Variants in DNAJC1 observed in about 807,000 individuals in gnomAD.
DNAJC1 encodes DnaJ heat shock protein family (Hsp40) member C1, also known as dnaJ homolog subfamily C member 1.
DNAJC1 carries 58 observed loss-of-function variants against 76.6 expected under a neutral mutation model. The observed-to-expected ratio is 0.76, with a 90% CI of 0.61 to 0.94. DNAJC1 has a LOEUF of 0.94. Ranked by LOEUF, DNAJC1 falls within the 40% of genes least tolerant of loss-of-function variation. The probability of loss-of-function intolerance (pLI) is 0.00; values close to 1 mark genes in which losing one functional copy is unlikely to be tolerated. For synonymous variants in DNAJC1, 258 were observed against 267.9 expected, an observed-to-expected ratio of 0.96 and a Z score of 0.36; for missense variants, 689 against 677.3, an observed-to-expected ratio of 1.02 and a Z score of -0.19.
chr10:21,985,374 C>G (rs775604442), intron 1 of DNAJC1, among the ~76,000 whole-genome samples: 5 of 151,956 alleles, frequency 3.3e-5, no homozygotes, highest in Admixed American at 2.0e-4. Flanking sequence ...CTCAGCCTCC[C>G]GAGTAACTGG....
At chr10:21,945,052 A>G (rs145129371) in intron 1 of DNAJC1, among the ~76,000 whole-genome samples, 4 of 152,392 alleles carry the variant, frequency 2.6e-5, no homozygotes, top group East Asian at 1.9e-4. Context: ...TGTATTAGAC[A>G]TATATAAATG....
intron 8 of DNAJC1, among the ~76,000 whole-genome samples, chr10:21,859,971 A>AT (rs1289500718): frequency 6.6e-6 from 1 of 151,894 alleles, no homozygotes; most frequent in Non-Finnish European, 1.5e-5. Context: ...TTTAGTAGAG[A>AT]TGGGGTTTCG....
intron 1 of DNAJC1, among the ~76,000 whole-genome samples, chr10:21,980,606 A>G (rs1838139987): frequency 6.6e-6 from 1 of 152,152 alleles, no homozygotes; most frequent in Admixed American, 6.5e-5. Context: ...AAAGGATGTT[A>G]ATGGGACAGC....
At chr10:21,807,713 A>G (rs945225505) in intron 8 of DNAJC1, among the ~76,000 whole-genome samples, 4 of 152,206 alleles carry the variant, frequency 2.6e-5, no homozygotes, top group Admixed American at 6.6e-5. Flanking sequence ...CTAAGAGCTG[A>G]AAGCCTCAAA....
chr10:21,878,762 C>A (rs1836225466), intron 8 of DNAJC1, among the ~76,000 whole-genome samples: 1 of 152,064 alleles, frequency 6.6e-6, no homozygotes, highest in African/African-American at 2.4e-5. Flanking sequence ...CAAGGATCAA[C>A]TGTATTTACT....
At chr10:21,946,881 G>A (rs1377786253) in intron 1 of DNAJC1, among the ~76,000 whole-genome samples, 1 of 152,096 alleles carries the variant, frequency 6.6e-6, no homozygotes, top group Non-Finnish European at 1.5e-5. Flanking sequence ...GTTGGGAGGA[G>A]GAACCTAATG....
chr10:21,855,213 AT>A (rs1185737684), intron 8 of DNAJC1, among the ~76,000 whole-genome samples: 4 of 152,146 alleles, frequency 2.6e-5, no homozygotes, highest in Admixed American at 6.6e-5. Context: ...TAAACAGCCC[AT>A]TTTTTTGAGC....
chr10:21,846,249 A>C (rs958895102), intron 8 of DNAJC1, among the ~76,000 whole-genome samples: 2 of 152,214 alleles, frequency 1.3e-5, no homozygotes, highest in African/African-American at 4.8e-5. Context: ...ATAAATAATA[A>C]ACAAACATTA....
chr10:21,929,175 C>A (rs1837179453), intron 1 of DNAJC1, 34 bp from the exon 2 acceptor site: 7 of 1,443,864 alleles, frequency 4.8e-6, no homozygotes, highest in Non-Finnish European at 6.7e-6. Flanking sequence ...AAATACAAAG[C>A]AAACTTTGTC....
chr10:21,896,699 A>G (rs535625690), intron 7 of DNAJC1, among the ~76,000 whole-genome samples: 1 of 152,202 alleles, frequency 6.6e-6, no homozygotes, highest in African/African-American at 2.4e-5. Context: ...TATTTAATTA[A>G]TATGTTTTGT....
At chr10:21,813,220 C>CTCTCTCTCTATA (rs1438462566) in intron 8 of DNAJC1, among the ~76,000 whole-genome samples, 1 of 19,088 alleles carries the variant, frequency 5.2e-5, no homozygotes, top group Non-Finnish European at 8.7e-5. Flanking sequence ...CTCTCTCTCT[C>CTCTCTCTCTATA]TATATATATA....
intron 1 of DNAJC1, among the ~76,000 whole-genome samples, chr10:21,960,565 T>C (rs917503581): frequency 6.6e-6 from 1 of 151,958 alleles, no homozygotes. Context: ...ATTACAGATA[T>C]TAGCCAAGCA....
intron 9 of DNAJC1, among the ~76,000 whole-genome samples, chr10:21,801,053 A>C (rs1159185550): frequency 6.6e-6 from 1 of 152,196 alleles, no homozygotes; most frequent in Admixed American, 6.5e-5. Context: ...TCTTAACAGC[A>C]GTTTACTCAG....
chr10:21,950,350 G>A (rs553589925), intron 1 of DNAJC1, among the ~76,000 whole-genome samples: 8 of 151,804 alleles, frequency 5.3e-5, no homozygotes, highest in Non-Finnish European at 8.8e-5. Flanking sequence ...ATTATTTTGG[G>A]GAGTCACGAA....
At chr10:21,793,643 T>C (rs1328645594) in intron 9 of DNAJC1, among the ~76,000 whole-genome samples, 2 of 152,148 alleles carry the variant, frequency 1.3e-5, no homozygotes, top group African/African-American at 2.4e-5. Context: ...AATTTGAAAG[T>C]GTAATTAAGA....
intron 8 of DNAJC1, among the ~76,000 whole-genome samples, chr10:21,838,980 C>A (rs1443670036): frequency 6.6e-6 from 1 of 152,196 alleles, no homozygotes; most frequent in Non-Finnish European, 1.5e-5. Context: ...GGAAACTGAA[C>A]AACCTGCTCC....
At chr10:21,862,427 ATTT>A (rs535547596) in intron 8 of DNAJC1, among the ~76,000 whole-genome samples, 4 of 131,848 alleles carry the variant, frequency 3.0e-5, no homozygotes, top group African/African-American at 5.8e-5. Flanking sequence ...CTGTTACTAC[ATTT>A]TTTTTTTTTT....
intron 7 of DNAJC1, among the ~76,000 whole-genome samples, chr10:21,899,902 G>C (rs1231679499): frequency 6.6e-6 from 1 of 152,212 alleles, no homozygotes; most frequent in African/African-American, 2.4e-5. Context: ...AAAGAGATCA[G>C]AGCTGGAAAC....
chr10:21,911,008 A>G lies in DNAJC1; in HGVS notation c.730-6396T>C, dbSNP rs1199127018. 6.6e-5 allele frequency among the ~76,000 whole-genome samples: 10 copies of G among 150,462 alleles called. No individual in the cohort carries two copies. In the East Asian group the frequency reaches 1.2e-3, roughly 18 times the overall value. On this transcript the variant is annotated intron_variant, in intron 6 of 11. Transcript: ENST00000376980. Reference sequence around the variant, plus strand: ...GAAAGAGGGAGAGAGGGAGAAAGAAAGAGAAAGAGAAAAAGAGAAAGAAAG... The same window carrying G: ...GAAAGAGGGAGAGAGGGAGAAAGAAGGAGAAAGAGAAAAAGAGAAAGAAAG...
Sources: gnomAD v4.1 joint callset for allele counts (sites outside exome capture counted in the v4.1 genomes callset) on GRCh38, gnomAD v4.1.1 for gene constraint, MANE v1.5 for transcripts, NCBI Gene and HGNC (gene_info 2026-07-23, HGNC 2026-07-21) for gene names.